The following SNX29 variants were observed in gnomAD, a reference collection of about 807,000 sequenced individuals.
SNX29 encodes sorting nexin-29.
SNX29 carries 78 observed loss-of-function variants against 102.1 expected under a neutral mutation model. That is an observed-to-expected ratio of 0.76 (90% CI 0.64 to 0.92). The LOEUF (loss-of-function observed/expected upper bound fraction) is 0.92. Among genes scored for constraint, SNX29 ranks in the 40% least tolerant of loss-of-function variants. SNX29 has a pLI of 0.00. For synonymous variants in SNX29, 580 were observed against 414.5 expected (o/e 1.40, Z -4.85); for missense variants, 1,280 against 1,061.7 (o/e 1.21, Z -2.86).
chr16:12,167,480 C>T (rs190544970), intron 13 of SNX29, among the ~76,000 whole-genome samples: 1 of 152,274 alleles, frequency 6.6e-6, no homozygotes, highest in African/African-American at 2.4e-5. Flanking sequence ...CTTCTCCACC[C>T]ACCACCACCA....
intron 19 of SNX29, among the ~76,000 whole-genome samples, chr16:12,485,042 A>G (rs1211054487): frequency 6.6e-6 from 1 of 152,120 alleles, no homozygotes; most frequent in Non-Finnish European, 1.5e-5. Flanking sequence ...TTTCCCTTTT[A>G]TTTTCTTCTT....
chr16:12,058,809 T>TTTTTTTTTG (rs1567168366), intron 8 of SNX29, among the ~76,000 whole-genome samples: 4 of 122,892 alleles, frequency 3.3e-5, no homozygotes, highest in African/African-American at 1.2e-4. Flanking sequence ...TTTTTTTTTT[T>TTTTTTTTTG]TTTTTTTTTT....
chr16:12,221,089 A>G (rs1293947968), intron 14 of SNX29, among the ~76,000 whole-genome samples: 1 of 152,102 alleles, frequency 6.6e-6, no homozygotes, highest in Non-Finnish European at 1.5e-5. Context: ...TTGCCCATAT[A>G]TGAATCGTAT....
chr16:12,538,697 C>T (rs570374104), intron 20 of SNX29, among the ~76,000 whole-genome samples: 54 of 152,156 alleles, frequency 3.5e-4, no homozygotes, highest in Middle Eastern at 6.8e-3. Flanking sequence ...GACCAGTGGG[C>T]GAGCCTGGGC....
At chr16:12,497,558 C>T (rs552109409) in intron 19 of SNX29, among the ~76,000 whole-genome samples, 1 of 152,310 alleles carries the variant, frequency 6.6e-6, no homozygotes, top group East Asian at 1.9e-4. Context: ...TCAGGAGTGG[C>T]TGGAGTCGGG....
intron 15 of SNX29, among the ~76,000 whole-genome samples, chr16:12,301,388 C>T (rs1442451031): frequency 6.6e-6 from 1 of 152,158 alleles, no homozygotes; most frequent in African/African-American, 2.4e-5. Context: ...CTAGGAAGGG[C>T]CAGGGTTACT....
At chr16:12,271,542 G>A (rs1029795189) in intron 14 of SNX29, among the ~76,000 whole-genome samples, 2 of 152,176 alleles carry the variant, frequency 1.3e-5, no homozygotes, top group African/African-American at 4.8e-5. Context: ...TATGCTCAAG[G>A]GGTAGGGATT....
intron 20 of SNX29, chr16:12,526,610 T>C: frequency 5.6e-6 from 3 of 533,210 alleles, no homozygotes; most frequent in Middle Eastern, 2.8e-4. Flanking sequence ...TCTCATCCTC[T>C]TAGCGGCATC....
intron 18 of SNX29, among the ~76,000 whole-genome samples, chr16:12,421,976 A>G (rs1007488466): frequency 1.3e-5 from 2 of 151,992 alleles, no homozygotes; most frequent in Non-Finnish European, 2.9e-5. Context: ...CACAGGCATC[A>G]TCTATCCATC....
intron 18 of SNX29, among the ~76,000 whole-genome samples, chr16:12,440,476 T>C (rs1434267988): frequency 6.6e-6 from 1 of 152,192 alleles, no homozygotes; most frequent in Non-Finnish European, 1.5e-5. Flanking sequence ...GGAGTACAAG[T>C]GCAGGTTTGT....
rs139356215 is a variant in SNX29, at chr16:12,494,729, CT to C, written c.2178+16876del. 5.1e-3 allele frequency among the ~76,000 whole-genome samples: 770 copies of C among 152,250 alleles called. 8 individuals carry two copies. The highest frequency in any genetic ancestry group is 0.017 in the African/African-American group (718 of 41,552). ...TTCTTTTTTGTAATGAGTTTTGAAG[CT>C]TTTTTGAGTTAACTGCCTGATCCTC... On this transcript the variant is annotated intron_variant, in intron 19 of 20. Coordinates refer to ENST00000566228, the MANE Select transcript of SNX29 (RefSeq NM_032167.5).
At chr16:12,185,790 G>GC (rs1219128361) in intron 13 of SNX29, among the ~76,000 whole-genome samples, 1 of 152,212 alleles carries the variant, frequency 6.6e-6, no homozygotes, top group East Asian at 1.9e-4. Flanking sequence ...AACAACAACT[G>GC]CAACTGTGCA....
At chr16:12,221,299 C>G (rs373369440) in intron 14 of SNX29, among the ~76,000 whole-genome samples, 2 of 152,064 alleles carry the variant, frequency 1.3e-5, no homozygotes, top group African/African-American at 2.4e-5. Flanking sequence ...AAATCAGGCC[C>G]TCGTCTTGTT....
At chr16:12,440,115 G>C (rs2085733110) in intron 18 of SNX29, among the ~76,000 whole-genome samples, 1 of 152,198 alleles carries the variant, frequency 6.6e-6, no homozygotes, top group African/African-American at 2.4e-5. Context: ...TGCTCGCAAA[G>C]GGCATAAATT....
intron 14 of SNX29, among the ~76,000 whole-genome samples, chr16:12,252,555 A>G (rs925621532): frequency 3.9e-5 from 6 of 152,220 alleles, no homozygotes; most frequent in South Asian, 2.1e-4. Context: ...TCATCACCCA[A>G]TAATAATCAC....
chr16:12,119,209 C>G (rs898625682), intron 11 of SNX29, among the ~76,000 whole-genome samples: 2 of 152,172 alleles, frequency 1.3e-5, no homozygotes, highest in African/African-American at 2.4e-5. Context: ...AGGGACTGCT[C>G]CTTAGCCGGG....
At chr16:12,519,089 C>A (rs1273603952) in intron 19 of SNX29, among the ~76,000 whole-genome samples, 1 of 152,172 alleles carries the variant, frequency 6.6e-6, no homozygotes, top group Admixed American at 6.5e-5. Context: ...GCACTCCCGG[C>A]TTAGCCCCTA....
chr16:12,199,554 T>C (rs1326435610), intron 13 of SNX29, 47 bp from the exon 14 acceptor site: 1 of 1,530,586 alleles, frequency 6.5e-7, no homozygotes, highest in South Asian at 1.2e-5. Context: ...TGGGTCCACA[T>C]TGTCACTTTT....
intron 18 of SNX29, among the ~76,000 whole-genome samples, chr16:12,441,149 G>T (rs891613944): frequency 9.9e-5 from 14 of 141,954 alleles, no homozygotes; most frequent in Admixed American, 5.1e-4. Flanking sequence ...GTGCAGTGGC[G>T]CTATCTCGGC....
Sources: gnomAD v4.1 joint callset for allele counts (sites outside exome capture counted in the v4.1 genomes callset) on GRCh38, gnomAD v4.1.1 for gene constraint, MANE v1.5 for transcripts, NCBI Gene and HGNC (gene_info 2026-07-23, HGNC 2026-07-21) for gene names.